ASTN2: variants seen among roughly 807,000 people sequenced by gnomAD.
ASTN2 encodes astrotactin-2.
Under a neutral mutation model 139.8 loss-of-function variants are expected in ASTN2, and 54 were observed. That is an observed-to-expected ratio of 0.39 (90% CI 0.31 to 0.48). The LOEUF (loss-of-function observed/expected upper bound fraction) is 0.48. ASTN2 is among the 20% of genes least tolerant of loss of function. The pLI, the probability that ASTN2 is intolerant of heterozygous loss-of-function variation, is 0.95. For synonymous variants in ASTN2, 756 were observed against 719.5 expected, an observed-to-expected ratio of 1.05 and a Z score of -0.81; for missense variants, 1,565 against 1,725.1, an observed-to-expected ratio of 0.91 and a Z score of 1.64.
At chr9:117,039,682 C>T in intron 6 of ASTN2, 137 bp downstream of exon 6, 1 of 871,156 alleles carries the variant, frequency 1.1e-6, no homozygotes, top group Non-Finnish European at 1.6e-6. Context: ...CTTCCAAGGT[C>T]TTTAGATGCT....
chr9:117,011,306 G>A (rs911818117), intron 6 of ASTN2, among the ~76,000 whole-genome samples: 2 of 152,180 alleles, frequency 1.3e-5, no homozygotes, highest in African/African-American at 4.8e-5. Context: ...TTTGGAAGTG[G>A]AGTCTTTGGG....
intron 2 of ASTN2, among the ~76,000 whole-genome samples, chr9:117,278,088 T>C (rs1326464527): frequency 6.6e-6 from 1 of 152,198 alleles, no homozygotes; most frequent in African/African-American, 2.4e-5. Context: ...ATAAATCATC[T>C]CTGACATATG....
chr9:116,598,916 T>C (rs537591156), intron 19 of ASTN2, among the ~76,000 whole-genome samples: 10 of 152,344 alleles, frequency 6.6e-5, no homozygotes, highest in Non-Finnish European at 1.0e-4. Flanking sequence ...ATTTCTGTTA[T>C]TGAACAGTCA....
intron 13 of ASTN2, among the ~76,000 whole-genome samples, chr9:116,765,042 T>C (rs926561362): frequency 1.3e-5 from 2 of 152,170 alleles, no homozygotes; most frequent in African/African-American, 2.4e-5. Flanking sequence ...TGAGAGACGC[T>C]GTGTGAAATG....
At chr9:116,985,174 G>T (rs1836640646) in intron 7 of ASTN2, among the ~76,000 whole-genome samples, 1 of 152,156 alleles carries the variant, frequency 6.6e-6, no homozygotes, top group South Asian at 2.1e-4. Flanking sequence ...GGGTGTCTCT[G>T]ATATCCCTTT....
intron 3 of ASTN2, among the ~76,000 whole-genome samples, chr9:117,197,839 C>A (rs1173929415): frequency 6.6e-6 from 1 of 152,016 alleles, no homozygotes; most frequent in Non-Finnish European, 1.5e-5. Context: ...TTGCTGGGTA[C>A]AGAATTATAG....
At chr9:117,082,052 T>C (rs1828441753) in intron 5 of ASTN2, among the ~76,000 whole-genome samples, 1 of 152,220 alleles carries the variant, frequency 6.6e-6, no homozygotes. Flanking sequence ...GAAGCTGCTA[T>C]GTTTCTGTCA....
At chr9:117,377,220 C>G (rs1463631968) in intron 1 of ASTN2, among the ~76,000 whole-genome samples, 1 of 151,974 alleles carries the variant, frequency 6.6e-6, no homozygotes, top group Non-Finnish European at 1.5e-5. Flanking sequence ...TTGGCCAGCC[C>G]TTGGCGATCC....
chr9:117,053,991 C>T (rs13296242), intron 5 of ASTN2, among the ~76,000 whole-genome samples: 23,158 of 150,838 alleles, frequency 0.15, 1,896 homozygotes, highest in African/African-American at 0.17. Flanking sequence ...AGATAAATAG[C>T]TTTGCCTTTA....
chr9:116,679,896 C>T (rs928403155), intron 16 of ASTN2, among the ~76,000 whole-genome samples: 2 of 152,120 alleles, frequency 1.3e-5, no homozygotes, highest in African/African-American at 2.4e-5. Flanking sequence ...AAATTTATAG[C>T]AATAAATGCC....
chr9:116,939,993 C>T (rs1466224653), intron 10 of ASTN2, among the ~76,000 whole-genome samples: 1 of 152,200 alleles, frequency 6.6e-6, no homozygotes, highest in Non-Finnish European at 1.5e-5. Flanking sequence ...AAGCCTACCA[C>T]ACTCTCTGTT....
intron 19 of ASTN2, chr9:116,543,945 T>TG (rs2119365042): frequency 6.6e-6 from 1 of 152,326 alleles, no homozygotes; most frequent in Admixed American, 6.5e-5. Context: ...ACAAAGCCTA[T>TG]GTGACCGGGA....
At position 116,698,053 on chromosome 9, in the gene ASTN2, G is replaced by A; in HGVS notation, c.2806+27718C>T. The A allele has an allele frequency of 6.2e-7, 1 of 1,614,030 alleles. No individual in the cohort carries two copies. Among genetic ancestry groups the A allele is most frequent in the Non-Finnish European group, 8.5e-7 (1 of 1,180,030 alleles). On this transcript the variant is annotated intron_variant, in intron 16 of 22. Transcript: ENST00000313400. This position sits in a 1 kb window ranked among gnomAD's most constrained non-coding sequence, Gnocchi z 4.4. ...GGGCTGCTCATGTGTCGGTCCTGTGGGCGGCGTCTGCCCCGGCAATTCTGC... is the reference window on the plus strand; with the variant it reads ...GGGCTGCTCATGTGTCGGTCCTGTGAGCGGCGTCTGCCCCGGCAATTCTGC...
At chr9:116,612,331 A>C (rs1855587057) in intron 19 of ASTN2, 1 of 152,156 alleles carries the variant, frequency 6.6e-6, no homozygotes, top group Non-Finnish European at 1.5e-5. Context: ...AAAGTTAACA[A>C]GGATATCCAG....
chr9:117,251,936 G>GA (rs1406650855), intron 2 of ASTN2, among the ~76,000 whole-genome samples: 5 of 152,260 alleles, frequency 3.3e-5, no homozygotes, highest in South Asian at 4.1e-4. Flanking sequence ...GTCATAAAAG[G>GA]AAAAACACAT....
chr9:117,141,244 A>G, intron 4 of ASTN2, 82 bp downstream of exon 4: 2 of 1,279,694 alleles, frequency 1.6e-6, no homozygotes, highest in Non-Finnish European at 2.1e-6. Flanking sequence ...AAGCAAGGGA[A>G]GAATGCACAG....
intron 14 of ASTN2, among the ~76,000 whole-genome samples, chr9:116,730,335 T>C (rs1045714284): frequency 6.6e-6 from 1 of 152,158 alleles, no homozygotes. Context: ...AAGTTGTCCA[T>C]TACTGTCAAC....
chr9:117,394,423 C>T (rs1466911236), intron 1 of ASTN2, among the ~76,000 whole-genome samples: 1 of 152,008 alleles, frequency 6.6e-6, no homozygotes, highest in Non-Finnish European at 1.5e-5. Context: ...TGGCTAGTGG[C>T]CACTATATTG....
intron 3 of ASTN2, among the ~76,000 whole-genome samples, chr9:117,173,763 T>C (rs963060393): frequency 5.3e-5 from 8 of 151,260 alleles, no homozygotes; most frequent in East Asian, 1.9e-4. Flanking sequence ...AAAAGAAAGA[T>C]TGAAAAATAA....
Sources: allele counts gnomAD v4.1 joint callset (sites outside exome capture counted in the v4.1 genomes callset), GRCh38; gene constraint gnomAD v4.1.1; non-coding constraint Gnocchi (gnomAD v3.1); transcripts MANE v1.5; gene names NCBI Gene and HGNC (gene_info 2026-07-23, HGNC 2026-07-21).